Variants in RHOQ observed in about 807,000 individuals in gnomAD.
RHOQ encodes rho-related GTP-binding protein RhoQ.
In RHOQ, 7 loss-of-function variants were observed where a neutral mutation model predicts 25.8. That is an observed-to-expected ratio of 0.27 (90% CI 0.15 to 0.51). The LOEUF is 0.51. RHOQ is among the 20% of genes least tolerant of loss of function. The pLI, the probability that RHOQ is intolerant of heterozygous loss-of-function variation, is 0.97. For synonymous variants in RHOQ, 97 were observed against 98.6 expected, an observed-to-expected ratio of 0.98 and a Z score of 0.10; for missense variants, 165 against 260.6, an observed-to-expected ratio of 0.63 and a Z score of 2.53.
chr2:46,578,131 A>T (rs767860728), intron 4 of RHOQ, among the ~76,000 whole-genome samples: 1 of 152,172 alleles, frequency 6.6e-6, no homozygotes, highest in Non-Finnish European at 1.5e-5. Context: ...GCCATTGAAG[A>T]TAGGAAATAT....
rs1158317335 is a variant in RHOQ, at chr2:46,548,682, A to T, written c.201+4870A>T. Among the ~76,000 whole-genome samples, 2 of 152,152 alleles carry T rather than the reference A, an allele frequency of 1.3e-5. No individual in the cohort carries two copies. The highest frequency in any genetic ancestry group is 4.8e-5 in the African/African-American group (2 of 41,442). On this transcript the variant is annotated intron_variant, in intron 2 of 4. Transcript: ENST00000238738. This position sits in a 1 kb window ranked among gnomAD's most constrained non-coding sequence, Gnocchi z 5.2. Reference sequence around the variant, plus strand: ...GTGAGCAGAGCCTGGGAGGAGCCCCAGGGTTCCTTCCAGGCATCAGCTGCA... The same window carrying T: ...GTGAGCAGAGCCTGGGAGGAGCCCCTGGGTTCCTTCCAGGCATCAGCTGCA...
chr2:46,573,682 A>G (rs908646098), intron 2 of RHOQ, among the ~76,000 whole-genome samples: 10 of 152,230 alleles, frequency 6.6e-5, no homozygotes, highest in African/African-American at 2.2e-4. Context: ...AAGCATCTCT[A>G]GGGAACATGG....
chr2:46,550,057 A>G (rs967314383), intron 2 of RHOQ, among the ~76,000 whole-genome samples: 2 of 151,626 alleles, frequency 1.3e-5, no homozygotes, highest in Admixed American at 6.6e-5. Flanking sequence ...CAAGACCCCC[A>G]ATTCTACTAA....
chr2:46,543,217 C>T (rs781530877), intron 1 of RHOQ, 29 bp downstream of exon 1: 1 of 1,609,652 alleles, frequency 6.2e-7, no homozygotes, highest in East Asian at 2.3e-5. Context: ...GACTAAGGGG[C>T]CGCTCCCCGG....
chr2:46,544,627 G>T (rs535879246), intron 2 of RHOQ, among the ~76,000 whole-genome samples: 27 of 152,322 alleles, frequency 1.8e-4, no homozygotes, highest in Non-Finnish European at 3.2e-4. Context: ...CCCAGCTTCA[G>T]CCTCTTCCCA....
chr2:46,554,478 C>T (rs1407149338), intron 2 of RHOQ, among the ~76,000 whole-genome samples: 1 of 152,224 alleles, frequency 6.6e-6, no homozygotes, highest in Admixed American at 6.5e-5. Flanking sequence ...GACGCCTGGA[C>T]AGGGCTCTGT....
At chr2:46,574,071 A>G (rs1333098090) in intron 2 of RHOQ, among the ~76,000 whole-genome samples, 2 of 152,214 alleles carry the variant, frequency 1.3e-5, no homozygotes, top group African/African-American at 4.8e-5. Context: ...TTGGTTTCCC[A>G]TGGGATAGAG....
In RHOQ at chr2:46,546,482, A is replaced by G. The variant is rs1235936799; in HGVS notation, c.201+2670A>G. ...TATATATATATATATATGTGTATAT[A>G]TATATATATATATATATATATATAT... is the stretch of plus-strand genomic sequence containing the variant. On this transcript the variant is annotated intron_variant, in intron 2 of 4. Transcript: ENST00000238738. 2.3e-3 allele frequency among the ~76,000 whole-genome samples: 47 copies of G among 20,800 alleles called. 1 individual carries two copies. The highest frequency in any genetic ancestry group is 4.9e-3 in the Admixed American group (8 of 1,626). The allele number at this position is 20,800 out of a possible 152,430, so 13.6% of individuals were successfully genotyped here.
chr2:46,545,367 T>C (rs1200463216), intron 2 of RHOQ, among the ~76,000 whole-genome samples: 2 of 152,234 alleles, frequency 1.3e-5, no homozygotes, highest in Non-Finnish European at 2.9e-5. Context: ...TCCTTTCTCT[T>C]ATCTCCTTTA....
chr2:46,576,168 T>G lies in RHOQ; in HGVS notation c.283T>G (p.Ser95Ala). The G allele has an allele frequency of 6.2e-7, 1 of 1,613,632 alleles. No individual in the cohort carries two copies. The highest frequency in any genetic ancestry group is 8.5e-7 in the Non-Finnish European group (1 of 1,179,728). The change falls in exon 3 of 5, where the codon TCA becomes GCA. Residue 95 changes from serine (S) to alanine (A), a missense_variant. Ser to Ala is a moderately conservative substitution (Grantham distance 99). Coordinates refer to ENST00000238738, the MANE Select transcript of RHOQ (RefSeq NM_012249.4). The surrounding 1 kb of genome is among the most constrained non-coding windows in gnomAD (Gnocchi z 5.1). ...ATGCTTCTCGGTGGTAAATCCAGCC[T>G]CATTTCAAAATGTGAAAGAGGAGTG... ...LICFSVVNPASFQNVKEEWVP... is the reference protein window; with the variant it reads ...LICFSVVNPAAFQNVKEEWVP...
rs1207464593 is a variant in RHOQ at position 46,576,562 on chromosome 2, T to C, written c.368T>C (p.Ile123Thr). The part of the protein sequence containing the change: ...NVPFLLIGTQ[I>T]DLRDDPKTLA... Reference sequence around the variant, plus strand: ...ACATTATTGACCTTTCTTAATTAGATTGATCTCCGAGATGACCCCAAAACT... The same window carrying C: ...ACATTATTGACCTTTCTTAATTAGACTGATCTCCGAGATGACCCCAAAACT... The change falls in exon 4 of 5, where the codon ATT (isoleucine) becomes ACT (threonine). Residue 123 changes from isoleucine (I) to threonine (T), a missense_variant and splice_region_variant. Physicochemically the swap from Ile to Thr is moderately conservative, Grantham distance 89. Transcript: ENST00000238738. This position sits in a 1 kb window ranked among gnomAD's most constrained non-coding sequence, Gnocchi z 5.1. 1 of 1,581,554 alleles carries C rather than the reference T, an allele frequency of 6.3e-7. No homozygotes were observed. The highest frequency in any genetic ancestry group is 8.7e-7 in the Non-Finnish European group (1 of 1,155,874).
intron 2 of RHOQ, among the ~76,000 whole-genome samples, chr2:46,565,031 GAGGTGGGGAGCAGCTGCAGGAGA>G (rs910963990): frequency 1.3e-5 from 2 of 152,182 alleles, no homozygotes; most frequent in African/African-American, 4.8e-5. Flanking sequence ...TGGAGGAGAG[GAGGTGGGGAGCAGCTGCAGGAGA>G]AGGTGGGGAG....
Position 46,581,659 on chromosome 2 carries a change from C to G in RHOQ, c.*576C>G. On this transcript the variant is annotated 3_prime_UTR_variant, in exon 5 of 5. Coordinates refer to ENST00000238738, the MANE Select transcript of RHOQ (RefSeq NM_012249.4). ...ATTATTACTTGAGCACAAGTGTAAC[C>G]TAAATATTTCTATATTAAAGCTTAA... 2 of 1,537,692 alleles carry G rather than the reference C, an allele frequency of 1.3e-6. No homozygotes were observed. Among genetic ancestry groups the G allele is most frequent in the Non-Finnish European group, 8.8e-7 (1 of 1,138,290 alleles).
Position 46,546,484 on chromosome 2 carries a change from ATATATATATATATATATATATATATATG to A in RHOQ, c.201+2679_201+2706del, listed in dbSNP as rs1558680460. Among the ~76,000 whole-genome samples the A allele has an allele frequency of 1.3e-3, 30 of 22,332 alleles. No homozygotes were observed. In the East Asian group the frequency reaches 0.052, roughly 38 times the overall value. 14.7% of individuals were successfully genotyped at this position (22,332 alleles called of 152,430 possible). On this transcript the variant is annotated intron_variant, in intron 2 of 4. Transcript: ENST00000238738. ...TATATATATATATATGTGTATATAT[ATATATATATATATATATATATATATATG>A]TATATACATATATATATATACACAA...
chr2:46,564,976 G>A (rs1274819796), intron 2 of RHOQ, among the ~76,000 whole-genome samples: 3 of 152,246 alleles, frequency 2.0e-5, no homozygotes, highest in African/African-American at 7.2e-5. Context: ...TAATCTCCAT[G>A]AGCTGCAGAG....
In RHOQ at chr2:46,581,316, G is replaced by A. The variant is rs1475507667; in HGVS notation, c.*233G>A. 1.8e-5 allele frequency: 20 copies of A among 1,085,882 alleles called. No individual in the cohort carries two copies. Among genetic ancestry groups the A allele is most frequent in the Non-Finnish European group, 2.5e-5 (19 of 769,106 alleles). The allele number at this position is 1,085,882 out of a possible 1,614,324, so 67.3% of individuals were successfully genotyped here. On this transcript the variant is annotated 3_prime_UTR_variant, in exon 5 of 5. Transcript: ENST00000238738. Reference sequence around the variant, plus strand: ...ATAAATACTTTATTTCAACTAGAAGGTACAATCTCTCAGGGGTTTCATAGT... The same window carrying A: ...ATAAATACTTTATTTCAACTAGAAGATACAATCTCTCAGGGGTTTCATAGT...
intron 2 of RHOQ, among the ~76,000 whole-genome samples, chr2:46,563,278 A>C (rs1283302262): frequency 2.0e-5 from 3 of 152,204 alleles, no homozygotes; most frequent in Non-Finnish European, 4.4e-5. Context: ...GACTCTGGAC[A>C]GGTGGTGAGC....
rs958899786 is a variant in RHOQ, at chr2:46,576,425, A to G, written c.367-136A>G. Reference sequence around the variant, plus strand: ...AAAATTGTGCCAAAAGAAAGCAATTATTTTCCTGGTTTTTAAAAATTAAGT... The same window carrying G: ...AAAATTGTGCCAAAAGAAAGCAATTGTTTTCCTGGTTTTTAAAAATTAAGT... On this transcript the variant is annotated intron_variant, in intron 3 of 4. Transcript: ENST00000238738. This position sits in a 1 kb window ranked among gnomAD's most constrained non-coding sequence, Gnocchi z 5.1. 1.0e-5 allele frequency: 9 copies of G among 895,442 alleles called. No individual in the cohort carries two copies. Among genetic ancestry groups the G allele is most frequent in the Non-Finnish European group, 1.5e-5 (9 of 590,592 alleles). 55.5% of individuals were successfully genotyped at this position (895,442 alleles called of 1,614,324 possible). A position where few individuals can be genotyped will look rare whatever the true frequency, so the allele number is the denominator to read the frequency against.
intron 4 of RHOQ, among the ~76,000 whole-genome samples, chr2:46,579,759 C>T (rs763509046): frequency 1.3e-5 from 2 of 151,778 alleles, no homozygotes; most frequent in Admixed American, 6.6e-5. Context: ...GAGGCAGAAC[C>T]GCTTGAACCC....
Sources: allele counts gnomAD v4.1 joint callset (sites outside exome capture counted in the v4.1 genomes callset), GRCh38; gene constraint gnomAD v4.1.1; non-coding constraint Gnocchi (gnomAD v3.1); transcripts MANE v1.5; gene names NCBI Gene and HGNC (gene_info 2026-07-23, HGNC 2026-07-21).